AGMO: variants seen among roughly 807,000 people sequenced by gnomAD.
AGMO encodes alkylglycerol monooxygenase.
A neutral mutation model predicts 60.2 loss-of-function variants in AGMO; 75 were observed. The ratio of observed to expected loss-of-function variants is 1.25; its 90% CI spans 1.03 to 1.51. The LOEUF is 1.51. Among genes scored for constraint, AGMO ranks in the 40% most tolerant of loss-of-function variants. The pLI, the probability that AGMO is intolerant of heterozygous loss-of-function variation, is 0.00. For missense variants in AGMO, 763 were observed against 525.5 expected (o/e 1.45, Z -4.42); for synonymous variants, 261 against 177.1 (o/e 1.47, Z -3.76).
chr7:15,208,605 A>G (rs547291386), intron 12 of AGMO, among the ~76,000 whole-genome samples: 35 of 152,334 alleles, frequency 2.3e-4, no homozygotes, highest in Middle Eastern at 3.4e-3. Context: ...CATTAAAATT[A>G]GTGATGGGCA....
At chr7:15,390,527 G>T (rs1033329780) in intron 8 of AGMO, 144 bp downstream of exon 8, 31 of 516,488 alleles carry the variant, frequency 6.0e-5, no homozygotes, top group Admixed American at 5.2e-4. Context: ...GTGTAACAAA[G>T]AGTTATTTGT....
chr7:15,538,096 G>A (rs902231204), intron 3 of AGMO, among the ~76,000 whole-genome samples: 1 of 152,042 alleles, frequency 6.6e-6, no homozygotes, highest in Non-Finnish European at 1.5e-5. Flanking sequence ...CTCTCGTAGA[G>A]GTGCTAAATA....
chr7:15,276,630 T>C (rs543440780), intron 12 of AGMO, among the ~76,000 whole-genome samples: 1 of 152,274 alleles, frequency 6.6e-6, no homozygotes, highest in Admixed American at 6.5e-5. Context: ...CAAATGTGTT[T>C]TTCACATTTT....
intron 12 of AGMO, among the ~76,000 whole-genome samples, chr7:15,341,912 G>A (rs1031574567): frequency 1.3e-5 from 2 of 151,802 alleles, no homozygotes; most frequent in Non-Finnish European, 2.9e-5. Context: ...GAACAGCATG[G>A]GAAAATCTGC....
At chr7:15,211,956 C>T (rs1276908419) in intron 12 of AGMO, among the ~76,000 whole-genome samples, 1 of 151,872 alleles carries the variant, frequency 6.6e-6, no homozygotes, top group Non-Finnish European at 1.5e-5. Context: ...CATTTTTGGA[C>T]TAGCGAATTG....
intron 3 of AGMO, among the ~76,000 whole-genome samples, chr7:15,528,975 G>A (rs1052536171): frequency 6.6e-6 from 1 of 151,958 alleles, no homozygotes; most frequent in African/African-American, 2.4e-5. Flanking sequence ...AACTCTCCTG[G>A]ACTCAGATGT....
chr7:15,233,245 G>C (rs1181621093), intron 12 of AGMO, among the ~76,000 whole-genome samples: 1 of 152,166 alleles, frequency 6.6e-6, no homozygotes, highest in African/African-American at 2.4e-5. Context: ...TTTATGAAAA[G>C]CATGTTAAAA....
At chr7:15,206,276 A>G (rs1308315611) in intron 12 of AGMO, among the ~76,000 whole-genome samples, 1 of 152,130 alleles carries the variant, frequency 6.6e-6, no homozygotes, top group Non-Finnish European at 1.5e-5. Flanking sequence ...TTTTGCAAGA[A>G]CCCAGTTTCA....
At chr7:15,197,217 T>C (rs1437703423), downstream of AGMO, among the ~76,000 whole-genome samples, 3 of 151,906 alleles carry the variant, frequency 2.0e-5, no homozygotes, top group Non-Finnish European at 4.4e-5. Context: ...TATGAGAACA[T>C]GGGCGAGACA....
chr7:15,394,910 T>C (rs1784308790), intron 5 of AGMO, among the ~76,000 whole-genome samples: 1 of 152,208 alleles, frequency 6.6e-6, no homozygotes, highest in Non-Finnish European at 1.5e-5. Flanking sequence ...GTTACTTCAA[T>C]ATCTGGTGCC....
intron 6 of AGMO, among the ~76,000 whole-genome samples, chr7:15,393,898 T>C (rs778359198): frequency 1.3e-5 from 2 of 151,952 alleles, no homozygotes; most frequent in South Asian, 2.1e-4. Context: ...AAAAGTCAGA[T>C]AGATAAATCC....
chr7:15,189,979 T>G, the AGMO span, among the ~76,000 whole-genome samples: 7 of 150,722 alleles, frequency 4.6e-5, no homozygotes, highest in Non-Finnish European at 7.4e-5. Flanking sequence ...GGACCTTCCC[T>G]GCTGTTCCAA....
chr7:15,539,687 T>A (rs950185458), intron 3 of AGMO, among the ~76,000 whole-genome samples: 2 of 152,214 alleles, frequency 1.3e-5, no homozygotes, highest in Non-Finnish European at 2.9e-5. Context: ...AAATGGTAAT[T>A]CTAAGTTATT....
At chr7:15,230,782 C>T (rs1445375298) in intron 12 of AGMO, among the ~76,000 whole-genome samples, 2 of 152,086 alleles carry the variant, frequency 1.3e-5, no homozygotes, top group Admixed American at 6.6e-5. Flanking sequence ...TGCTCTCTCC[C>T]CACCGCAGAA....
the AGMO span, among the ~76,000 whole-genome samples, chr7:15,136,341 C>G: frequency 2.6e-4 from 39 of 152,206 alleles, no homozygotes; most frequent in African/African-American, 9.1e-4. Flanking sequence ...CTACAAGCTC[C>G]CTTACCCTTT....
At chr7:15,387,293 TG>T (rs747892797) in intron 9 of AGMO, 112 bp downstream of exon 9, 3 of 1,254,510 alleles carry the variant, frequency 2.4e-6, no homozygotes, top group Middle Eastern at 2.0e-4. Context: ...TGCATCTGAC[TG>T]GGGGAACATC....
chr7:15,314,646 A>C (rs1780863341), intron 12 of AGMO, among the ~76,000 whole-genome samples: 2 of 152,190 alleles, frequency 1.3e-5, no homozygotes, highest in South Asian at 4.1e-4. Flanking sequence ...ATATTCAAAA[A>C]TATATAAAAT....
intron 5 of AGMO, among the ~76,000 whole-genome samples, chr7:15,411,087 T>C (rs554976103): frequency 2.0e-5 from 3 of 152,012 alleles, no homozygotes; most frequent in African/African-American, 7.2e-5. Flanking sequence ...GTGAGTTAGT[T>C]ATGTGAAGAA....
intron 3 of AGMO, among the ~76,000 whole-genome samples, chr7:15,489,645 CTT>C (rs1783018639): frequency 6.6e-6 from 1 of 152,158 alleles, no homozygotes; most frequent in Admixed American, 6.5e-5. Context: ...GGCATCAACA[CTT>C]TGTGTTTATC....
Sources: gnomAD v4.1 joint callset for allele counts (sites outside exome capture counted in the v4.1 genomes callset) on GRCh38, gnomAD v4.1.1 for gene constraint, MANE v1.5 for transcripts, NCBI Gene and HGNC (gene_info 2026-07-23, HGNC 2026-07-21) for gene names.